Variants in KAZN observed in about 807,000 individuals in gnomAD.
The protein encoded by KAZN is kazrin, periplakin interacting protein.
Under a neutral mutation model 87.4 loss-of-function variants are expected in KAZN, and 40 were observed. The ratio of observed to expected loss-of-function variants is 0.46; its 90% CI spans 0.36 to 0.60. The LOEUF (loss-of-function observed/expected upper bound fraction) is 0.60. Among genes scored for constraint, KAZN ranks in the 20% least tolerant of loss-of-function variants. KAZN has a pLI of 0.00. For missense variants in KAZN, 898 were observed against 1,073.9 expected, an observed-to-expected ratio of 0.84 and a Z score of 2.29; for synonymous variants, 466 against 458.3, an observed-to-expected ratio of 1.02 and a Z score of -0.22.
At chr1:14,340,495 T>TCAGC (rs1482912951) in intron 2 of KAZN, among the ~76,000 whole-genome samples, 6 of 152,376 alleles carry the variant, frequency 3.9e-5, no homozygotes, top group Middle Eastern at 3.4e-3. Flanking sequence ...CTGAGTCAAC[T>TCAGC]CAGCCATGTT....
chr1:14,679,112 G>A (rs1206953062), intron 1 of KAZN, among the ~76,000 whole-genome samples: 1 of 152,162 alleles, frequency 6.6e-6, no homozygotes, highest in Non-Finnish European at 1.5e-5. Flanking sequence ...ATTCGGGTAT[G>A]GTGAAGTCCA....
At chr1:14,394,127 A>T (rs1662692377) in intron 2 of KAZN, among the ~76,000 whole-genome samples, 1 of 152,258 alleles carries the variant, frequency 6.6e-6, no homozygotes, top group Non-Finnish European at 1.5e-5. Context: ...ACCCCCCCAC[A>T]CACATGCCAG....
intron 2 of KAZN, among the ~76,000 whole-genome samples, chr1:14,325,041 C>T (rs151214936): frequency 2.2e-3 from 338 of 152,206 alleles, no homozygotes; most frequent in Non-Finnish European, 3.3e-3. Flanking sequence ...TCTTAGAAGA[C>T]GGAGATTAGC....
In KAZN at chr1:14,417,975, G is replaced by A. The variant is rs903799049; in HGVS notation, c.250-181008G>A. On this transcript the variant is annotated intron_variant, in intron 2 of 16. Transcript: ENST00000636203. Reference sequence around the variant, plus strand: ...CACACCACTGCACTCCAGGCTGGGCGACAGAGTGAGACTGCCTCAAAAAAA... The same window carrying A: ...CACACCACTGCACTCCAGGCTGGGCAACAGAGTGAGACTGCCTCAAAAAAA... 5.4e-5 allele frequency among the ~76,000 whole-genome samples: 6 copies of A among 110,938 alleles called. 1 individual carries two copies. Among genetic ancestry groups the A allele is most frequent in the Non-Finnish European group, 1.0e-4 (6 of 59,076 alleles). The allele number at this position is 110,938 out of a possible 152,430, so 72.8% of individuals were successfully genotyped here.
At chr1:14,016,986 C>A (rs1243716828) in intron 1 of KAZN, among the ~76,000 whole-genome samples, 1 of 152,202 alleles carries the variant, frequency 6.6e-6, no homozygotes, top group African/African-American at 2.4e-5. Flanking sequence ...AGCTTACCTG[C>A]ATCAAACTTG....
intron 1 of KAZN, among the ~76,000 whole-genome samples, chr1:13,909,140 G>A (rs907716903): frequency 1.1e-4 from 16 of 152,174 alleles, no homozygotes; most frequent in Admixed American, 9.2e-4. Context: ...GGAAGTACAA[G>A]GTTATTGATA....
chr1:14,176,584 TTC>T (rs1434282294), intron 1 of KAZN, among the ~76,000 whole-genome samples: 6 of 152,096 alleles, frequency 3.9e-5, no homozygotes, highest in African/African-American at 1.4e-4. Flanking sequence ...TAGTCCATCC[TTC>T]TCTGTTTTAG....
chr1:15,112,668 G>T (rs1436825704), intron 14 of KAZN, 127 bp downstream of exon 14: 10 of 654,080 alleles, frequency 1.5e-5, no homozygotes, highest in Non-Finnish European at 2.8e-5. Context: ...GGTCACGGGG[G>T]CATCCAGGAC....
intron 1 of KAZN, among the ~76,000 whole-genome samples, chr1:13,963,751 G>A (rs1219004386): frequency 7.0e-6 from 1 of 142,590 alleles, no homozygotes; most frequent in African/African-American, 2.6e-5. Flanking sequence ...AAATGTTTCT[G>A]CTGTGGTCTG....
intron 2 of KAZN, among the ~76,000 whole-genome samples, chr1:14,517,353 C>G (rs1198946635): frequency 6.6e-6 from 1 of 152,026 alleles, no homozygotes; most frequent in Non-Finnish European, 1.5e-5. Flanking sequence ...AAAAGGAGGG[C>G]AGAAAAATCA....
chr1:14,875,165 C>T (rs55865036), intron 1 of KAZN, among the ~76,000 whole-genome samples: 1 of 151,864 alleles, frequency 6.6e-6, no homozygotes, highest in African/African-American at 2.4e-5. Flanking sequence ...AACCCCGTCT[C>T]TACTAAAAAT....
At chr1:14,845,219 G>GTGGA (rs1175372852) in intron 1 of KAZN, among the ~76,000 whole-genome samples, 7 of 145,522 alleles carry the variant, frequency 4.8e-5, no homozygotes, top group East Asian at 2.2e-4. Context: ...GGATGGGTGG[G>GTGGA]TGGATGGATG....
chr1:14,719,487 G>T (rs531021812), intron 1 of KAZN, among the ~76,000 whole-genome samples: 1 of 152,324 alleles, frequency 6.6e-6, no homozygotes, highest in East Asian at 1.9e-4. Flanking sequence ...ATGGGAGGGA[G>T]TGTAATTTTA....
intron 13 of KAZN, among the ~76,000 whole-genome samples, chr1:15,108,026 C>T (rs946706348): frequency 3.3e-5 from 5 of 152,198 alleles, no homozygotes; most frequent in African/African-American, 1.2e-4. Flanking sequence ...GGAGTAGCTG[C>T]ATAGGAGTCC....
At chr1:14,839,532 A>T (rs907545657) in intron 1 of KAZN, among the ~76,000 whole-genome samples, 2 of 152,210 alleles carry the variant, frequency 1.3e-5, no homozygotes, top group African/African-American at 4.8e-5. Context: ...TATCGTTACC[A>T]GAAAAACCCC....
chr1:14,286,769 T>C (rs962516223), intron 2 of KAZN, among the ~76,000 whole-genome samples: 5 of 152,148 alleles, frequency 3.3e-5, no homozygotes, highest in Non-Finnish European at 7.4e-5. Flanking sequence ...TCACCTGACT[T>C]TCTTGGTGGG....
chr1:15,060,033 A>G (rs1638642022), intron 5 of KAZN, 139 bp from the exon 6 acceptor site: 6 of 1,124,764 alleles, frequency 5.3e-6, no homozygotes, highest in Non-Finnish European at 6.2e-6. Flanking sequence ...GGGTTGGAGA[A>G]CCAGGCAAGT....
intron 1 of KAZN, among the ~76,000 whole-genome samples, chr1:14,714,353 C>T (rs1182445673): frequency 6.6e-6 from 1 of 151,876 alleles, no homozygotes; most frequent in Non-Finnish European, 1.5e-5. Flanking sequence ...TGGCTCTGCA[C>T]GGAATTTCTC....
intron 1 of KAZN, among the ~76,000 whole-genome samples, chr1:13,977,160 A>G (rs1301564821): frequency 1.3e-5 from 2 of 152,160 alleles, no homozygotes; most frequent in Non-Finnish European, 2.9e-5. Context: ...CAGGGAATTC[A>G]TTCTTTGTTC....
Sources: gnomAD v4.1 joint callset for allele counts (sites outside exome capture counted in the v4.1 genomes callset) on GRCh38, gnomAD v4.1.1 for gene constraint, MANE v1.5 for transcripts, NCBI Gene and HGNC (gene_info 2026-07-23, HGNC 2026-07-21) for gene names.